The following ZNF609 variants were observed in gnomAD, a reference collection of about 807,000 sequenced individuals.
ZNF609 encodes zinc finger protein 609.
In ZNF609, 11 loss-of-function variants were observed where a neutral mutation model predicts 109.5. The observed-to-expected ratio is 0.10, with a 90% confidence interval of 0.06 to 0.17. The LOEUF (loss-of-function observed/expected upper bound fraction) is 0.17, where lower values mean the gene tolerates loss of function less well. Among genes scored for constraint, ZNF609 ranks in the 10% least tolerant of loss-of-function variants. The pLI is 1.00. For missense variants in ZNF609, 1,559 were observed against 1,772.4 expected, an observed-to-expected ratio of 0.88 and a Z score of 2.16; for synonymous variants, 646 against 662.0, an observed-to-expected ratio of 0.98 and a Z score of 0.37.
rs149241970 is a variant in ZNF609, at chr15:64,478,155, G to GGTGTGTGTGT, written c.-128+17350_-128+17359dup. ...TTTTCATATTTAATTTTAGAATAAAGGTGTGTGTGTGTGTGTGTGTGTGTG... is the reference window on the plus strand; with the variant it reads ...TTTTCATATTTAATTTTAGAATAAAGGTGTGTGTGTGTGTGTGTGTGTGTGTGTGTGTGTG... On this transcript the variant is annotated intron_variant, in intron 1 of 9. Transcript: ENST00000326648. 8.9e-3 allele frequency among the ~76,000 whole-genome samples: 1,229 copies of GGTGTGTGTGT among 138,284 alleles called. 16 individuals are homozygous for GGTGTGTGTGT. Among genetic ancestry groups the GGTGTGTGTGT allele is most frequent in the East Asian group, 0.025 (113 of 4,436 alleles). The allele number at this position is 138,284 out of a possible 152,430, so 90.7% of individuals were successfully genotyped here.
intron 2 of ZNF609, among the ~76,000 whole-genome samples, chr15:64,540,307 A>G (rs1894228266): frequency 6.6e-6 from 1 of 152,208 alleles, no homozygotes; most frequent in South Asian, 2.1e-4. Flanking sequence ...CACCAACACT[A>G]ACTTCTTTTT....
rs1896786964 is a variant in ZNF609, at chr15:64,674,972, C to G, written c.2118C>G (p.Pro706=). The change falls in exon 5 of 10, where the codon CCC becomes CCG. Residue 706 remains proline (P), a synonymous_variant. Transcript: ENST00000326648. ...GTCCCCAACTCAAGCCCATTCAGCC[C>G]AAGCCCACTGTTATGGGAGAACCTT... ...PNSPQLKPIQ[P]KPTVMGEPFT... 2 of 1,613,980 alleles carry G rather than the reference C, an allele frequency of 1.2e-6. No individual in the cohort carries two copies. The highest frequency in any genetic ancestry group is 2.7e-5 in the African/African-American group (2 of 74,906).
intron 1 of ZNF609, among the ~76,000 whole-genome samples, chr15:64,486,381 G>A (rs902077922): frequency 1.3e-5 from 2 of 151,996 alleles, no homozygotes; most frequent in African/African-American, 4.8e-5. Context: ...AAAATTAGCC[G>A]GGTGTGGCGA....
At chr15:64,541,496 A>G (rs1166034824) in intron 2 of ZNF609, among the ~76,000 whole-genome samples, 1 of 151,752 alleles carries the variant, frequency 6.6e-6, no homozygotes, top group Admixed American at 6.6e-5. Context: ...TACACTTGCT[A>G]GTGAATTACA....
At chr15:64,622,718 C>A (rs1041700361) in intron 2 of ZNF609, 109 bp from the exon 3 acceptor site, 2 of 914,236 alleles carry the variant, frequency 2.2e-6, no homozygotes, top group Non-Finnish European at 3.5e-6. Flanking sequence ...TATTTATAGC[C>A]GTCTGCACTC....
chr15:64,634,245 CTG>C (rs1201973491), intron 3 of ZNF609, among the ~76,000 whole-genome samples: 9 of 152,136 alleles, frequency 5.9e-5, no homozygotes, highest in African/African-American at 2.4e-5. Context: ...ACTTCAAACT[CTG>C]TGGTTGAGCC....
Position 64,674,319 on chromosome 15 carries a change from T to G in ZNF609, c.1465T>G (p.Cys489Gly), listed in dbSNP as rs1454729540. Residue 489 changes from cysteine to glycine, a missense_variant, in exon 5 of 10, where the codon TGC becomes GGC. By Grantham distance (159) the Cys-to-Gly change is radical (BLOSUM62 -3). This residue lies in a region of ZNF609 where 1,204 missense variants were observed against 1,314.1 expected (regional missense o/e 0.92). Transcript: ENST00000326648. ...KVEPTVLDRN[C>G]PSPVLIDCPH... The stretch of plus-strand genomic sequence containing the variant: ...AGAACCCACTGTTCTGGACAGAAAC[T>G]GCCCCTCCCCCGTCCTAATTGACTG... 3 of 1,614,012 alleles carry G rather than the reference T, an allele frequency of 1.9e-6. No individual in the cohort carries two copies. Among genetic ancestry groups the G allele is most frequent in the African/African-American group, 2.7e-5 (2 of 74,920 alleles).
At chr15:64,549,277 G>A (rs1463611215) in intron 2 of ZNF609, among the ~76,000 whole-genome samples, 5 of 151,950 alleles carry the variant, frequency 3.3e-5, no homozygotes, top group African/African-American at 7.3e-5. Context: ...CACAACCTCC[G>A]CCTCCCGGGT....
At chr15:64,463,071 TAGTG>T (rs1429483098) in intron 1 of ZNF609, among the ~76,000 whole-genome samples, 4 of 151,848 alleles carry the variant, frequency 2.6e-5, no homozygotes, top group Non-Finnish European at 5.9e-5. Context: ...CTGGGCAACA[TAGTG>T]AGAACTCATC....
intron 2 of ZNF609, among the ~76,000 whole-genome samples, chr15:64,544,858 A>G (rs1201525909): frequency 3.3e-5 from 5 of 152,190 alleles, no homozygotes; most frequent in Admixed American, 3.3e-4. Flanking sequence ...CTGGATTCCA[A>G]GTCAGTGCTT....
rs680910 is a variant in ZNF609, at chr15:64,636,452, C to A, written c.973+13400C>A. Among the ~76,000 whole-genome samples the A allele has an allele frequency of 7.9e-5, 12 of 152,190 alleles. No individual in the cohort carries two copies. In the South Asian group the frequency reaches 1.5e-3, roughly 18 times the overall value. On this transcript the variant is annotated intron_variant, in intron 3 of 9. Transcript: ENST00000326648. ...ACTGCTGTCAAATAATTTTCTACCC[C>A]CATTGAACTCATAATCAAATGAAAC...
intron 2 of ZNF609, among the ~76,000 whole-genome samples, chr15:64,542,997 T>TG (rs1052187581): frequency 4.6e-5 from 7 of 150,878 alleles, no homozygotes; most frequent in Admixed American, 4.6e-4. Context: ...TGTCAGCGGG[T>TG]GGGGGGCAAG....
intron 1 of ZNF609, among the ~76,000 whole-genome samples, chr15:64,473,297 C>G (rs1002268486): frequency 6.3e-5 from 9 of 143,104 alleles, no homozygotes; most frequent in African/African-American, 2.1e-4. Context: ...CTCCTGGGTT[C>G]AAGCGATTCT....
intron 4 of ZNF609, among the ~76,000 whole-genome samples, chr15:64,670,945 C>A (rs1013131395): frequency 6.6e-6 from 1 of 150,462 alleles, no homozygotes; most frequent in African/African-American, 2.4e-5. Context: ...TACGGTGGCT[C>A]ACGCCTGTAA....
chr15:64,475,846 A>G (rs374506886), intron 1 of ZNF609, among the ~76,000 whole-genome samples: 1 of 152,182 alleles, frequency 6.6e-6, no homozygotes, highest in East Asian at 1.9e-4. Flanking sequence ...GATGAATTGA[A>G]TTAGAACTTG....
At chr15:64,465,138 C>T (rs1258590234) in intron 1 of ZNF609, among the ~76,000 whole-genome samples, 1 of 151,966 alleles carries the variant, frequency 6.6e-6, no homozygotes, top group Non-Finnish European at 1.5e-5. Flanking sequence ...GTTTCTAGTA[C>T]TTGTTTATTA....
intron 2 of ZNF609, among the ~76,000 whole-genome samples, chr15:64,588,041 A>G (rs1895226635): frequency 6.6e-6 from 1 of 151,816 alleles, no homozygotes; most frequent in Non-Finnish European, 1.5e-5. Context: ...CCCAGCCAGT[A>G]GGAGGATCTC....
intron 3 of ZNF609, among the ~76,000 whole-genome samples, chr15:64,646,645 A>C (rs1458087856): frequency 1.4e-5 from 2 of 147,086 alleles, no homozygotes; most frequent in African/African-American, 2.5e-5. Context: ...AAAAAAAAAA[A>C]AAAAAAAAAA....
intron 2 of ZNF609, among the ~76,000 whole-genome samples, chr15:64,557,493 A>G (rs2140399900): frequency 6.6e-6 from 1 of 152,266 alleles, no homozygotes; most frequent in South Asian, 2.1e-4. Flanking sequence ...TTCCCAGGGC[A>G]ATGAATAATT....
Sources: allele counts gnomAD v4.1 joint callset (sites outside exome capture counted in the v4.1 genomes callset), GRCh38; gene constraint gnomAD v4.1.1; regional missense constraint gnomAD v4.1.1; transcripts MANE v1.5; gene names NCBI Gene and HGNC (gene_info 2026-07-23, HGNC 2026-07-21).